The following LRRC28 variants were observed in gnomAD, a reference collection of about 807,000 sequenced individuals.
LRRC28 encodes the protein leucine-rich repeat-containing protein 28.
Under a neutral mutation model 45.7 loss-of-function variants are expected in LRRC28, and 39 were observed. That is an observed-to-expected ratio of 0.85 (90% CI 0.66 to 1.12). LRRC28 has a LOEUF of 1.12. Among genes scored for constraint, LRRC28 ranks in the 50% most tolerant of loss-of-function variants. The probability of loss-of-function intolerance (pLI) is 0.00; values close to 1 mark genes in which losing one functional copy is unlikely to be tolerated. For synonymous variants in LRRC28, 206 were observed against 178.8 expected, an observed-to-expected ratio of 1.15 and a Z score of -1.22; for missense variants, 435 against 438.5, an observed-to-expected ratio of 0.99 and a Z score of 0.07.
rs77310945 is a variant in LRRC28 at position 99,279,881 on chromosome 15, A to G, written c.209+3265A>G. Among the ~76,000 whole-genome samples the G allele has an allele frequency of 1.2e-4, 19 of 152,288 alleles. No individual in the cohort carries two copies. The East Asian group carries it at 3.5e-3, about 28-fold the overall frequency. ...TGTTGCTCAAAATTTTTAGTTTTGT[A>G]AAAAACTGCCGGTTTACCAGATTAG... On this transcript the variant is annotated intron_variant, in intron 3 of 9. Coordinates refer to ENST00000301981, the MANE Select transcript of LRRC28 (RefSeq NM_144598.5).
At chr15:99,293,951 A>G (rs966326606) in intron 5 of LRRC28, among the ~76,000 whole-genome samples, 1 of 152,232 alleles carries the variant, frequency 6.6e-6, no homozygotes, top group African/African-American at 2.4e-5. Flanking sequence ...TTCTCTGGAA[A>G]TAAAATTCTG....
intron 9 of LRRC28, among the ~76,000 whole-genome samples, chr15:99,377,851 G>A (rs1185592378): frequency 1.3e-5 from 2 of 152,182 alleles, no homozygotes; most frequent in African/African-American, 4.8e-5. Flanking sequence ...TCAGATGGTT[G>A]TAGATGTGTG....
chr15:99,285,231 C>T, intron 3 of LRRC28: 1 of 732,030 alleles, frequency 1.4e-6, no homozygotes, highest in Non-Finnish European at 2.5e-6. Context: ...TAATGTTCTT[C>T]AGTGTCTTCT....
chr15:99,263,694 T>A (rs1010520356), intron 2 of LRRC28, among the ~76,000 whole-genome samples: 1 of 152,198 alleles, frequency 6.6e-6, no homozygotes, highest in Non-Finnish European at 1.5e-5. Context: ...TGTAGCAGCA[T>A]TGTAGAATGT....
chr15:99,285,235 GTCT>G, intron 3 of LRRC28: 1 of 732,256 alleles, frequency 1.4e-6, no homozygotes, highest in African/African-American at 1.7e-5. Context: ...GTTCTTCAGT[GTCT>G]TCTTTAATGT....
At chr15:99,291,242 A>C (rs1242936032) in intron 5 of LRRC28, among the ~76,000 whole-genome samples, 1 of 152,150 alleles carries the variant, frequency 6.6e-6, no homozygotes, top group Non-Finnish European at 1.5e-5. Context: ...TTATTTTCCT[A>C]GGTTTGTTTC....
intron 6 of LRRC28, among the ~76,000 whole-genome samples, chr15:99,348,717 A>G (rs1956774060): frequency 6.8e-6 from 1 of 146,324 alleles, no homozygotes; most frequent in South Asian, 2.2e-4. Context: ...CTGTCTCAGT[A>G]TTGCTTTGGC....
chr15:99,379,594 G>A (rs1186994997), intron 9 of LRRC28, among the ~76,000 whole-genome samples: 1 of 152,108 alleles, frequency 6.6e-6, no homozygotes, highest in Non-Finnish European at 1.5e-5. Flanking sequence ...TTTTGAATGT[G>A]TTTGCTCTTG....
chr15:99,329,830 C>T lies in LRRC28; in HGVS notation c.386-4093C>T, dbSNP rs140388574. Among the ~76,000 whole-genome samples the T allele has an allele frequency of 6.4e-3, 977 of 152,272 alleles. 13 individuals carry two copies. Among genetic ancestry groups the T allele is most frequent in the African/African-American group, 0.022 (912 of 41,558 alleles). Reference sequence around the variant, plus strand: ...GACTGCAGTTATAAAGCTGGCTGCACGTGGTCGCCAACCATAGTGGTATGC... The same window carrying T: ...GACTGCAGTTATAAAGCTGGCTGCATGTGGTCGCCAACCATAGTGGTATGC... On this transcript the variant is annotated intron_variant, in intron 5 of 9. Transcript: ENST00000301981.
intron 9 of LRRC28, among the ~76,000 whole-genome samples, chr15:99,368,840 T>A (rs1010287676): frequency 2.0e-5 from 3 of 152,226 alleles, no homozygotes; most frequent in Non-Finnish European, 2.9e-5. Flanking sequence ...ATCTTCAAGT[T>A]CTGGTTCCTT....
chr15:99,295,420 A>T (rs1211844015), intron 5 of LRRC28, among the ~76,000 whole-genome samples: 4 of 152,212 alleles, frequency 2.6e-5, no homozygotes, highest in Non-Finnish European at 5.9e-5. Context: ...GTACCTAGAA[A>T]TAAAGGATTG....
intron 9 of LRRC28, chr15:99,384,735 A>G (rs1196949579): frequency 6.6e-6 from 1 of 152,244 alleles, no homozygotes; most frequent in Non-Finnish European, 1.5e-5. Context: ...TTGAGTAACC[A>G]TGATGCCACC....
intron 2 of LRRC28, among the ~76,000 whole-genome samples, chr15:99,261,259 T>C (rs557676422): frequency 7.2e-5 from 11 of 152,370 alleles, no homozygotes; most frequent in Non-Finnish European, 1.3e-4. Context: ...TCAAACAACA[T>C]AGAGGCGTAT....
intron 6 of LRRC28, among the ~76,000 whole-genome samples, chr15:99,350,733 A>G (rs757335054): frequency 1.3e-5 from 2 of 152,174 alleles, no homozygotes; most frequent in South Asian, 2.1e-4. Flanking sequence ...CCTTCAGCCT[A>G]TCTTCTATGT....
At position 99,334,046 on chromosome 15, in the gene LRRC28, G is replaced by A; in HGVS notation, c.509G>A (p.Trp170Ter). 2 of 1,614,090 alleles carry A rather than the reference G, an allele frequency of 1.2e-6. No individual in the cohort carries two copies. The highest frequency in any genetic ancestry group is 2.2e-5 in the East Asian group (1 of 44,884). The change falls in exon 6 of 10, where the codon TGG becomes TAG. Residue 170 changes from tryptophan (W) to a stop codon, truncating the protein, a stop_gained. Transcript: ENST00000301981. LOFTEE classifies it high-confidence loss of function. ...CTCACTGTGGACCGAAATCGTCTAT[G>A]GTATGTGCCGCGCCATCTCTGCCAG... ...QYLTVDRNRL[W>*]YVPRHLCQLP...
intron 9 of LRRC28, among the ~76,000 whole-genome samples, chr15:99,384,076 G>A (rs975548556): frequency 1.3e-5 from 2 of 152,146 alleles, no homozygotes; most frequent in Non-Finnish European, 2.9e-5. Flanking sequence ...CTCCATCAGC[G>A]TGTATGTGAT....
At chr15:99,263,355 T>C (rs2081252633) in intron 2 of LRRC28, among the ~76,000 whole-genome samples, 1 of 150,996 alleles carries the variant, frequency 6.6e-6, no homozygotes, top group South Asian at 2.1e-4. Flanking sequence ...TTAAGAAACA[T>C]GATTTTGCTT....
At position 99,384,020 on chromosome 15, in the gene LRRC28, C is replaced by G. The variant is rs115614009; in HGVS notation, c.1032-2010C>G. Among the ~76,000 whole-genome samples the G allele has an allele frequency of 2.0e-5, 3 of 152,304 alleles. No individual in the cohort carries two copies. In the East Asian group the frequency reaches 5.8e-4, roughly 29 times the overall value. ...AATGTACTTAGAATCCGTTTCCATG[C>G]GTGCCCTCCAGGTTCCTGCTAATAT... On this transcript the variant is annotated intron_variant, in intron 9 of 9. Coordinates refer to ENST00000301981, the MANE Select transcript of LRRC28 (RefSeq NM_144598.5).
chr15:99,379,036 GGAT>G (rs527815250), intron 9 of LRRC28, among the ~76,000 whole-genome samples: 205 of 151,878 alleles, frequency 1.3e-3, no homozygotes, highest in African/African-American at 4.1e-3. Context: ...TTTGGTATCA[GGAT>G]GATGCTGGCC....
Sources: gnomAD v4.1 joint callset for allele counts (sites outside exome capture counted in the v4.1 genomes callset) on GRCh38, gnomAD v4.1.1 for gene constraint, MANE v1.5 for transcripts, NCBI Gene and HGNC (gene_info 2026-07-23, HGNC 2026-07-21) for gene names.